PCDHA10: variants seen among roughly 807,000 people sequenced by gnomAD.
The protein encoded by PCDHA10 is protocadherin alpha 10.
In PCDHA10, 45 loss-of-function variants were observed where a neutral mutation model predicts 61.2. The ratio of observed to expected loss-of-function variants is 0.74; its 90% CI spans 0.58 to 0.94. The LOEUF (loss-of-function observed/expected upper bound fraction) is 0.94. Ranked by LOEUF, PCDHA10 falls within the 40% of genes least tolerant of loss-of-function variation. The probability of loss-of-function intolerance (pLI) is 0.00; values close to 1 mark genes in which losing one functional copy is unlikely to be tolerated. For missense variants in PCDHA10, 1,278 were observed against 1,236.2 expected (o/e 1.03, Z -0.51); for synonymous variants, 602 against 548.8 (o/e 1.10, Z -1.35).
intron 1 of PCDHA10, among the ~76,000 whole-genome samples, chr5:140,941,214 C>CTTTTT (rs1554214039): frequency 1.2e-4 from 15 of 122,492 alleles, no homozygotes; most frequent in African/African-American, 4.3e-4. Context: ...TTTCTTTCTT[C>CTTTTT]CTTTCTTTCT....
chr5:140,928,122 A>G (rs1554205517), intron 1 of PCDHA10: 14 of 1,614,078 alleles, frequency 8.7e-6, no homozygotes, highest in Non-Finnish European at 1.2e-5. Context: ...AGATCAGTGA[A>G]TACCAAGTCC....
At chr5:140,875,978 C>T (rs534648937) in intron 1 of PCDHA10, 2 of 1,613,976 alleles carry the variant, frequency 1.2e-6, no homozygotes, top group East Asian at 4.5e-5. Flanking sequence ...TCTCTTTTGA[C>T]CTATGCGTTA....
intron 2 of PCDHA10, among the ~76,000 whole-genome samples, chr5:140,979,404 C>T (rs2096848893): frequency 6.6e-6 from 1 of 151,980 alleles, no homozygotes; most frequent in Non-Finnish European, 1.5e-5. Context: ...ATGTTGTCTA[C>T]CTTGTTTTTT....
At chr5:140,885,981 G>A (rs536900560) in intron 1 of PCDHA10, among the ~76,000 whole-genome samples, 44 of 151,942 alleles carry the variant, frequency 2.9e-4, no homozygotes, top group African/African-American at 8.4e-4. Context: ...TTATAGATTC[G>A]CATGTGGTTG....
chr5:140,966,061 C>T (rs2095963591), intron 1 of PCDHA10, among the ~76,000 whole-genome samples: 1 of 152,222 alleles, frequency 6.6e-6, no homozygotes, highest in Non-Finnish European at 1.5e-5. Flanking sequence ...CCCAGAGCGC[C>T]TCCCCCTGCG....
At chr5:140,873,064 T>A (rs1554166548) in intron 1 of PCDHA10, among the ~76,000 whole-genome samples, 1 of 152,186 alleles carries the variant, frequency 6.6e-6, no homozygotes, top group Non-Finnish European at 1.5e-5. Context: ...TTCTTGAGAA[T>A]CATATCTAGC....
intron 1 of PCDHA10, among the ~76,000 whole-genome samples, chr5:140,890,116 G>A (rs1290402695): frequency 6.6e-6 from 1 of 152,142 alleles, no homozygotes; most frequent in East Asian, 1.9e-4. Flanking sequence ...ATTCAATGAT[G>A]TCACTTTGGT....
At position 141,009,749 on chromosome 5, in the gene PCDHA10, A is replaced by G. The variant is rs2098414176; in HGVS notation, c.2659A>G (p.Ile887Val). Residue 887 changes from isoleucine to valine, a missense_variant, in exon 4 of 4, where the codon ATT (isoleucine) becomes GTT (valine). Ile to Val is a conservative substitution (Grantham distance 29). Transcript: ENST00000307360. ...SGPGELPDKFIIPGSPAIISI... is the reference protein window; with the variant it reads ...SGPGELPDKFVIPGSPAIISI... The stretch of plus-strand genomic sequence containing the variant: ...TCCCGGTGAGTTGCCCGACAAATTC[A>G]TTATCCCAGGATCTCCTGCAATCAT... 3 of 1,614,200 alleles carry G rather than the reference A, an allele frequency of 1.9e-6. No homozygotes were observed. The highest frequency in any genetic ancestry group is 1.6e-4 in the Middle Eastern group (1 of 6,062).
chr5:140,955,796 A>G (rs1432865248), intron 1 of PCDHA10, among the ~76,000 whole-genome samples: 3 of 152,004 alleles, frequency 2.0e-5, no homozygotes, highest in Non-Finnish European at 4.4e-5. Context: ...ATGTTTTTCT[A>G]TTTGTTTGTG....
At chr5:140,911,316 A>G (rs1308533373) in intron 1 of PCDHA10, among the ~76,000 whole-genome samples, 1 of 152,186 alleles carries the variant, frequency 6.6e-6, no homozygotes, top group African/African-American at 2.4e-5. Context: ...TCCAAGTTTC[A>G]GGATCCCATT....
chr5:140,981,468 G>A (rs1554242887), intron 2 of PCDHA10, among the ~76,000 whole-genome samples: 1 of 152,172 alleles, frequency 6.6e-6, no homozygotes, highest in Non-Finnish European at 1.5e-5. Context: ...CAGCTACTTG[G>A]GAGGCTGAGG....
chr5:140,963,829 A>G (rs1460358277), intron 1 of PCDHA10, among the ~76,000 whole-genome samples: 1 of 152,180 alleles, frequency 6.6e-6, no homozygotes, highest in African/African-American at 2.4e-5. Context: ...CTTTACATAC[A>G]TTTTCTCATG....
chr5:140,998,755 A>G (rs940678929), intron 3 of PCDHA10, among the ~76,000 whole-genome samples: 2 of 152,062 alleles, frequency 1.3e-5, no homozygotes, highest in African/African-American at 4.8e-5. Flanking sequence ...GAAGAGACAC[A>G]GTTTCACTAT....
chr5:141,006,944 A>G (rs2098295543), intron 3 of PCDHA10, among the ~76,000 whole-genome samples: 1 of 152,202 alleles, frequency 6.6e-6, no homozygotes, highest in African/African-American at 2.4e-5. Context: ...GATACCAGAT[A>G]GGCAGTTATA....
chr5:140,968,114 A>G, intron 1 of PCDHA10: 1 of 1,614,164 alleles, frequency 6.2e-7, no homozygotes, highest in Non-Finnish European at 8.5e-7. Context: ...ACCGCAGCTC[A>G]CATCCCTGCG....
chr5:140,964,338 G>T (rs2153739261), intron 1 of PCDHA10, among the ~76,000 whole-genome samples: 1 of 152,320 alleles, frequency 6.6e-6, no homozygotes, highest in South Asian at 2.1e-4. Flanking sequence ...AACCTGGCAG[G>T]TGTCCTTGCT....
chr5:140,914,042 T>C (rs2076573370), intron 1 of PCDHA10, among the ~76,000 whole-genome samples: 1 of 152,222 alleles, frequency 6.6e-6, no homozygotes, highest in South Asian at 2.1e-4. Context: ...AGAATGTGTA[T>C]TCTGCAGCTG....
chr5:140,900,101 T>C (rs2067753417), intron 1 of PCDHA10, among the ~76,000 whole-genome samples: 1 of 152,180 alleles, frequency 6.6e-6, no homozygotes, highest in African/African-American at 2.4e-5. Flanking sequence ...TGCGCCACCA[T>C]ACCTGGCCTT....
intron 3 of PCDHA10, among the ~76,000 whole-genome samples, chr5:140,996,041 C>T (rs2097709262): frequency 6.6e-6 from 1 of 152,224 alleles, no homozygotes; most frequent in African/African-American, 2.4e-5. Context: ...TAGCACTTAA[C>T]ACAGTGCTTG....
Sources: gnomAD v4.1 joint callset for allele counts (sites outside exome capture counted in the v4.1 genomes callset) on GRCh38, gnomAD v4.1.1 for gene constraint, MANE v1.5 for transcripts, NCBI Gene and HGNC (gene_info 2026-07-23, HGNC 2026-07-21) for gene names.